RNF123: variants seen among roughly 807,000 people sequenced by gnomAD.
RNF123 encodes E3 ubiquitin-protein ligase RNF123.
RNF123 carries 86 observed loss-of-function variants against 168.5 expected under a neutral mutation model. The ratio of observed to expected loss-of-function variants is 0.51; its 90% confidence interval spans 0.43 to 0.61. RNF123 has a LOEUF of 0.61. Ranked by LOEUF, RNF123 falls within the 20% of genes least tolerant of loss-of-function variation. RNF123 has a pLI of 0.00. For synonymous variants in RNF123, 666 were observed against 689.1 expected (o/e 0.97, Z 0.52); for missense variants, 1,419 against 1,729.7 (o/e 0.82, Z 3.19).
intron 3 of RNF123, among the ~76,000 whole-genome samples, chr3:49,695,370 G>T (rs1170851184): frequency 6.6e-6 from 1 of 152,168 alleles, no homozygotes; most frequent in Non-Finnish European, 1.5e-5. Context: ...AAAGTGCTGA[G>T]ACTACAGGTG....
intron 23 of RNF123, 138 bp from the exon 24 acceptor site, chr3:49,705,388 ACCCCTACC>A: frequency 7.8e-7 from 1 of 1,287,098 alleles, no homozygotes; most frequent in Admixed American, 2.6e-5. Flanking sequence ...CCTGCACTCC[ACCCCTACC>A]CCCATGCCCC....
chr3:49,698,660 A>C, intron 8 of RNF123, 95 bp from the exon 9 acceptor site: 1 of 1,539,440 alleles, frequency 6.5e-7, no homozygotes, highest in Middle Eastern at 1.7e-4. Flanking sequence ...CCTTGTGGCT[A>C]GTCTCCCTTG....
At position 49,720,841 on chromosome 3, in the gene RNF123, C is replaced by A; in HGVS notation, c.3685C>A (p.Gln1229Lys). Reference protein sequence around the residue: ...ISADELAQVEQMLAHLTSASA... With the variant: ...ISADELAQVEKMLAHLTSASA... ...TGCCGATGAGCTGGCCCAAGTGGAACAGATGCTGGCGCACCTGACCTCTGC... is the reference window on the plus strand; with the variant it reads ...TGCCGATGAGCTGGCCCAAGTGGAAAAGATGCTGGCGCACCTGACCTCTGC... Residue 1229 changes from glutamine to lysine, a missense_variant, in exon 37 of 39, where the codon CAG becomes AAG. Coordinates refer to ENST00000327697, the MANE Select transcript of RNF123 (RefSeq NM_022064.5). The A allele has an allele frequency of 6.2e-7, 1 of 1,614,202 alleles. No homozygotes were observed. Among genetic ancestry groups the A allele is most frequent in the African/African-American group, 1.3e-5 (1 of 75,054 alleles).
rs781115870 is a variant in RNF123 at position 49,713,838 on chromosome 3, T to TG, written c.2837+19dup. ...TCCCCGAGGAGCAGTGAGTGGGGCC[T>TG]GGGGGGCACACACCCTGGCCACAAG... On this transcript the variant is annotated intron_variant, in intron 29 of 38. Transcript: ENST00000327697. The TG allele has an allele frequency of 4.3e-6, 7 of 1,613,004 alleles. No homozygotes were observed. Among genetic ancestry groups the TG allele is most frequent in the Non-Finnish European group, 4.2e-6 (5 of 1,179,724 alleles).
chr3:49,694,648 A>G (rs191606042), intron 3 of RNF123, among the ~76,000 whole-genome samples: 1 of 152,290 alleles, frequency 6.6e-6, no homozygotes, highest in Non-Finnish European at 1.5e-5. Context: ...CCCCCTCATC[A>G]GCCTTAGCTG....
At chr3:49,709,493 G>A (rs1381307177) in intron 26 of RNF123, among the ~76,000 whole-genome samples, 1 of 152,050 alleles carries the variant, frequency 6.6e-6, no homozygotes, top group Non-Finnish European at 1.5e-5. Context: ...GTAGAGACAG[G>A]GTTTCACCGT....
At chr3:49,698,377 T>G in intron 7 of RNF123, 63 bp from the exon 8 acceptor site, 1 of 1,360,418 alleles carries the variant, frequency 7.4e-7, no homozygotes, top group Non-Finnish European at 1.1e-6. Context: ...GGCTGGTGAT[T>G]GGTGGGCTCT....
chr3:49,718,369 T>C (rs575362033), intron 35 of RNF123: 1 of 1,613,392 alleles, frequency 6.2e-7, no homozygotes, highest in South Asian at 1.1e-5. Flanking sequence ...CACGTTGTAC[T>C]CGTGCGTCTG....
At chr3:49,704,959 T>G in intron 22 of RNF123, 25 bp from the exon 23 acceptor site, 1 of 1,579,206 alleles carries the variant, frequency 6.3e-7, no homozygotes, top group Non-Finnish European at 8.6e-7. Flanking sequence ...CCAGCCCTGG[T>G]CCTGGCCGCC....
chr3:49,702,432 G>A (rs1421638121), intron 19 of RNF123, 27 bp downstream of exon 19: 2 of 1,612,766 alleles, frequency 1.2e-6, no homozygotes, highest in African/African-American at 1.3e-5. Flanking sequence ...CCAGCCCACT[G>A]TGGATCCCCG....
intron 3 of RNF123, among the ~76,000 whole-genome samples, chr3:49,693,397 C>T (rs2054208145): frequency 8.3e-6 from 1 of 120,248 alleles, no homozygotes; most frequent in African/African-American, 3.3e-5. Context: ...GCTCTTGTTG[C>T]CCAGCCTGGA....
intron 26 of RNF123, among the ~76,000 whole-genome samples, chr3:49,711,265 T>A (rs1239758366): frequency 1.3e-5 from 2 of 152,218 alleles, no homozygotes; most frequent in Admixed American, 6.5e-5. Context: ...GCTGTGATTG[T>A]GCCACTGCAT....
intron 35 of RNF123, chr3:49,717,890 A>T: frequency 1.4e-5 from 22 of 1,541,220 alleles, no homozygotes; most frequent in Non-Finnish European, 1.9e-5. Flanking sequence ...CTCTGGACCG[A>T]AGCAGGGAGC....
At position 49,721,166 on chromosome 3, in the gene RNF123, A is replaced by G; in HGVS notation, c.3825-19A>G. 1 of 1,614,174 alleles carries G rather than the reference A, an allele frequency of 6.2e-7. No individual in the cohort carries two copies. The highest frequency in any genetic ancestry group is 1.1e-5 in the South Asian group (1 of 91,084). On this transcript the variant is annotated intron_variant, in intron 38 of 38. Coordinates refer to ENST00000327697, the MANE Select transcript of RNF123 (RefSeq NM_022064.5). ...AGTAGGTACATGCAGGGCAGTCCTC[A>G]TCCCCTCCCCTGTTGTAGAGCCTGT...
chr3:49,709,906 A>T (rs1173592788), intron 26 of RNF123, among the ~76,000 whole-genome samples: 3 of 151,476 alleles, frequency 2.0e-5, no homozygotes, highest in Admixed American at 2.0e-4. Context: ...AAACTACCAT[A>T]TCATTTCTAC....
In RNF123 at chr3:49,719,708, T is replaced by C. The variant is rs146075461; in HGVS notation, c.3501-803T>C. ...TCCAAGCGAGTTCCTGATCGGCTCC[T>C]AAATACTCCCCCCAGGGGCGGGGCC... is the stretch of plus-strand genomic sequence containing the variant. On this transcript the variant is annotated intron_variant, in intron 35 of 38. Transcript: ENST00000327697. The C allele has an allele frequency of 8.7e-5, 43 of 492,312 alleles. No individual in the cohort carries two copies. The East Asian group carries it at 9.4e-4, about 11-fold the overall frequency. The allele number at this position is 492,312 out of a possible 1,614,324, so 30.5% of individuals were successfully genotyped here.
intron 25 of RNF123, 99 bp downstream of exon 25, chr3:49,706,164 C>G (rs1373526942): frequency 9.6e-7 from 1 of 1,041,904 alleles, no homozygotes; most frequent in East Asian, 2.5e-5. Flanking sequence ...AGTTCTCATC[C>G]CCACTCTAGC....
intron 3 of RNF123, among the ~76,000 whole-genome samples, chr3:49,693,828 T>G (rs2054216512): frequency 6.6e-6 from 1 of 152,258 alleles, no homozygotes; most frequent in African/African-American, 2.4e-5. Context: ...TCTCGTAGTT[T>G]TGATTTGCAT....
At chr3:49,711,516 G>A (rs773703565) in intron 26 of RNF123, among the ~76,000 whole-genome samples, 10 of 152,274 alleles carry the variant, frequency 6.6e-5, no homozygotes, top group East Asian at 1.9e-4. Context: ...AGTCTTCGCT[G>A]GCCTTCTGTA....
Sources: gnomAD v4.1 joint callset for allele counts (sites outside exome capture counted in the v4.1 genomes callset) on GRCh38, gnomAD v4.1.1 for gene constraint, MANE v1.5 for transcripts, NCBI Gene and HGNC (gene_info 2026-07-23, HGNC 2026-07-21) for gene names.